PSMD9: variants seen among roughly 807,000 people sequenced by gnomAD.
PSMD9 encodes the protein proteasome 26S subunit, non-ATPase 9, also known as 26S proteasome non-ATPase regulatory subunit 9.
Under a neutral mutation model 25.9 loss-of-function variants are expected in PSMD9, and 26 were observed. That is an observed-to-expected ratio of 1.00 (90% CI 0.73 to 1.39). The LOEUF is 1.39. Among genes scored for constraint, PSMD9 ranks in the 40% most tolerant of loss-of-function variants. The pLI is 0.00. For missense variants in PSMD9, 303 were observed against 299.3 expected (o/e 1.01, Z -0.09); for synonymous variants, 110 against 114.5 (o/e 0.96, Z 0.25).
At chr12:121,907,521 C>T (rs1023800319) in intron 4 of PSMD9, among the ~76,000 whole-genome samples, 2 of 152,084 alleles carry the variant, frequency 1.3e-5, no homozygotes, top group Non-Finnish European at 2.9e-5. Flanking sequence ...GCTGGGATTT[C>T]TAGATCAAAT....
At chr12:121,907,160 C>CA (rs1473553870) in intron 4 of PSMD9, among the ~76,000 whole-genome samples, 1 of 151,772 alleles carries the variant, frequency 6.6e-6, no homozygotes, top group Non-Finnish European at 1.5e-5. Flanking sequence ...ACCTCCGCCT[C>CA]ACAGATTCAA....
At chr12:121,914,273 G>A (rs537410149) in intron 4 of PSMD9, 2 of 152,188 alleles carry the variant, frequency 1.3e-5, no homozygotes, top group East Asian at 3.9e-4. Context: ...ATACAGGCTG[G>A]GTGTGGTGGC....
chr12:121,904,000 G>C (rs1465927847), intron 4 of PSMD9, among the ~76,000 whole-genome samples: 1 of 152,018 alleles, frequency 6.6e-6, no homozygotes, highest in African/African-American at 2.4e-5. Flanking sequence ...GAAGTCTCCA[G>C]TTAACCCAAC....
intron 2 of PSMD9, among the ~76,000 whole-genome samples, chr12:121,896,438 C>G (rs2135720661): frequency 6.6e-6 from 1 of 151,930 alleles, no homozygotes; most frequent in African/African-American, 2.4e-5. Context: ...CCACTGCACT[C>G]CACCCTGGGC....
chr12:121,908,922 C>G (rs1158978465), intron 4 of PSMD9, among the ~76,000 whole-genome samples: 1 of 151,932 alleles, frequency 6.6e-6, no homozygotes, highest in Non-Finnish European at 1.5e-5. Context: ...GAGGTGAGGC[C>G]AGGAGGTGTT....
Position 121,917,367 on chromosome 12 carries a change from G to A in PSMD9, c.*1056G>A, listed in dbSNP as rs1431287358. 1 of 152,234 alleles carries A rather than the reference G, an allele frequency of 6.6e-6. No individual in the cohort carries two copies. The highest frequency in any genetic ancestry group is 1.5e-5 in the Non-Finnish European group (1 of 68,052). 9.4% of individuals were successfully genotyped at this position (152,234 alleles called of 1,614,324 possible). A position where few individuals can be genotyped will look rare whatever the true frequency, so the allele number is the denominator to read the frequency against. On this transcript the variant is annotated 3_prime_UTR_variant, in exon 6 of 6. Coordinates refer to ENST00000541212, the MANE Select transcript of PSMD9 (RefSeq NM_002813.7). ...GCTATTTTGTAAACCGCTGAGGTAT[G>A]GATAGGAACGAGTAGATCAGACCTC...
intron 1 of PSMD9, among the ~76,000 whole-genome samples, chr12:121,892,367 T>C (rs1391764746): frequency 6.6e-6 from 1 of 151,962 alleles, no homozygotes; most frequent in African/African-American, 2.4e-5. Flanking sequence ...GGTTTGAGAC[T>C]AGCCTGGGCA....
chr12:121,900,300 G>A (rs1158065665), intron 3 of PSMD9, among the ~76,000 whole-genome samples: 1 of 152,222 alleles, frequency 6.6e-6, no homozygotes, highest in Non-Finnish European at 1.5e-5. Context: ...GCTGAGATGG[G>A]AGGATCACTT....
intron 4 of PSMD9, among the ~76,000 whole-genome samples, chr12:121,906,063 G>A (rs1879545779): frequency 6.7e-6 from 1 of 150,272 alleles, no homozygotes; most frequent in African/African-American, 2.5e-5. Context: ...GTGGATCTGT[G>A]AGAAGAGCTG....
chr12:121,889,973 A>G lies in PSMD9; in HGVS notation c.138+979A>G, dbSNP rs140756757. ...TGCTTTGTCACCCAGGCTGGAGTGC[A>G]GTGGCTCAATCTCGGCTCACTGCAG... On this transcript the variant is annotated intron_variant, in intron 1 of 5. Transcript: ENST00000541212. Among the ~76,000 whole-genome samples, 678 of 152,110 alleles carry G rather than the reference A, an allele frequency of 4.5e-3. 7 individuals are homozygous for G. The highest frequency in any genetic ancestry group is 7.1e-3 in the Non-Finnish European group (480 of 68,004).
rs749827420 is a variant in PSMD9, at chr12:121,888,995, G to T, written c.138+1G>T. 6.3e-7 allele frequency: 1 copy of T among 1,582,356 alleles called. No individual in the cohort carries two copies. The highest frequency in any genetic ancestry group is 1.1e-5 in the South Asian group (1 of 86,964). ...GGCCAACTATGACGTGCTGGAAAGC[G>T]TGAGTGTGGGTTCGGGGCGCCCCAA... is the stretch of plus-strand genomic sequence containing the variant. On this transcript the variant is annotated splice_donor_variant, in intron 1 of 5. Coordinates refer to ENST00000541212, the MANE Select transcript of PSMD9 (RefSeq NM_002813.7). LOFTEE classifies it high-confidence loss of function.
At chr12:121,891,418 G>T (rs1879072841) in intron 1 of PSMD9, among the ~76,000 whole-genome samples, 1 of 150,106 alleles carries the variant, frequency 6.7e-6, no homozygotes, top group Admixed American at 6.7e-5. Flanking sequence ...GGCTAACACA[G>T]TGAAACCCCG....
intron 3 of PSMD9, among the ~76,000 whole-genome samples, chr12:121,901,815 A>G (rs1232596542): frequency 1.3e-5 from 2 of 151,714 alleles, no homozygotes. Flanking sequence ...AGCTGGGACT[A>G]CAGGCGCCTG....
At chr12:121,910,003 C>T (rs968369845) in intron 4 of PSMD9, among the ~76,000 whole-genome samples, 4 of 151,308 alleles carry the variant, frequency 2.6e-5, no homozygotes, top group Non-Finnish European at 4.4e-5. Flanking sequence ...CCTGTGAGTG[C>T]GTCTGTTTCT....
rs766144010 is a variant in PSMD9, at chr12:121,888,892, C to T, written c.36C>T (p.Ser12=). 2 of 1,602,046 alleles carry T rather than the reference C, an allele frequency of 1.2e-6. No homozygotes were observed. The highest frequency in any genetic ancestry group is 1.7e-6 in the Non-Finnish European group (2 of 1,175,282). Residue 12 remains serine, a synonymous_variant, in exon 1 of 6, where the codon TCC becomes TCT. Coordinates refer to ENST00000541212, the MANE Select transcript of PSMD9 (RefSeq NM_002813.7). ...AGGAAGCGAGGCAGAGCGGAGGCTC[C>T]TCGCAGGCCGGCGTCGTGACTGTCA... ...SDEEARQSGG[S]SQAGVVTVSD...
At position 121,910,906 on chromosome 12, in the gene PSMD9, C is replaced by T. The variant is rs1317488681; in HGVS notation, c.556-4950C>T. The stretch of plus-strand genomic sequence containing the variant: ...CCTCCTAAACTGAAACCCAAATCTC[C>T]ATTAAACACTAACTCTCCATTCCCA... On this transcript the variant is annotated intron_variant, in intron 4 of 5. Transcript: ENST00000541212. 7 of 455,312 alleles carry T rather than the reference C, an allele frequency of 1.5e-5. 1 individual carries two copies. Among genetic ancestry groups the T allele is most frequent in the Non-Finnish European group, 2.6e-5 (6 of 226,628 alleles). 28.2% of individuals were successfully genotyped at this position (455,312 alleles called of 1,614,324 possible). A position where few individuals can be genotyped will look rare whatever the true frequency, so the allele number is the denominator to read the frequency against.
intron 4 of PSMD9, among the ~76,000 whole-genome samples, chr12:121,906,308 C>T (rs995529449): frequency 2.0e-5 from 3 of 151,944 alleles, no homozygotes; most frequent in Non-Finnish European, 2.9e-5. Flanking sequence ...CAGCCTCATC[C>T]CCTCAGGGGA....
At chr12:121,900,017 G>T in intron 3 of PSMD9, 172 bp downstream of exon 3, 1 of 788,192 alleles carries the variant, frequency 1.3e-6, no homozygotes. Context: ...TGTGCTGGGG[G>T]CAGAGTTTTA....
intron 4 of PSMD9, among the ~76,000 whole-genome samples, chr12:121,910,541 C>A (rs1879689430): frequency 6.6e-6 from 1 of 151,726 alleles, no homozygotes; most frequent in Non-Finnish European, 1.5e-5. Context: ...GTGGGCGGAT[C>A]ACCTGAGGTC....
Sources: gnomAD v4.1 joint callset for allele counts (sites outside exome capture counted in the v4.1 genomes callset) on GRCh38, gnomAD v4.1.1 for gene constraint, MANE v1.5 for transcripts, NCBI Gene and HGNC (gene_info 2026-07-23, HGNC 2026-07-21) for gene names.